Variants in MPPED1 observed in about 807,000 individuals in gnomAD.
MPPED1 encodes metallophosphoesterase domain containing 1.
Under a neutral mutation model 36.2 loss-of-function variants are expected in MPPED1, and 16 were observed. The ratio of observed to expected loss-of-function variants is 0.44; its 90% CI spans 0.30 to 0.67. The LOEUF is 0.67. MPPED1 is among the 30% of genes least tolerant of loss of function. The pLI is 0.10. For missense variants in MPPED1, 307 were observed against 453.4 expected (o/e 0.68, Z 2.93); for synonymous variants, 199 against 191.3 (o/e 1.04, Z -0.33).
At chr22:43,442,219 G>T (rs563755966) in intron 3 of MPPED1, among the ~76,000 whole-genome samples, 1 of 152,064 alleles carries the variant, frequency 6.6e-6, no homozygotes, top group East Asian at 1.9e-4. Flanking sequence ...CCATCCCAGA[G>T]TTCATGGCTG....
chr22:43,427,060 G>T lies in MPPED1; in HGVS notation c.224+1851G>T, dbSNP rs571979301. On this transcript the variant is annotated intron_variant, in intron 2 of 6. Coordinates refer to ENST00000443721, the MANE Select transcript of MPPED1 (RefSeq NM_001044370.2). ...GTGACTGAGCCTGAGGTCCCCGGAGGCCAGGCTGAACTCCTGCCCAGTGGG... is the reference window on the plus strand; with the variant it reads ...GTGACTGAGCCTGAGGTCCCCGGAGTCCAGGCTGAACTCCTGCCCAGTGGG... 1.4e-4 allele frequency among the ~76,000 whole-genome samples: 21 copies of T among 152,336 alleles called. No homozygotes were observed. The South Asian group carries it at 4.1e-3, about 30-fold the overall frequency.
intron 4 of MPPED1, among the ~76,000 whole-genome samples, chr22:43,482,615 C>A (rs895962987): frequency 6.6e-6 from 1 of 152,224 alleles, no homozygotes; most frequent in African/African-American, 2.4e-5. Flanking sequence ...AGTCCCCTTG[C>A]AGAACTGCCC....
At chr22:43,451,988 G>A (rs1258115371) in intron 3 of MPPED1, among the ~76,000 whole-genome samples, 1 of 151,822 alleles carries the variant, frequency 6.6e-6, no homozygotes, top group African/African-American at 2.4e-5. Context: ...TGTAGTTTCT[G>A]TGATCACCTC....
chr22:43,466,447 C>T (rs1931174518), intron 3 of MPPED1, among the ~76,000 whole-genome samples: 1 of 152,206 alleles, frequency 6.6e-6, no homozygotes, highest in Non-Finnish European at 1.5e-5. Context: ...GCTCACATTT[C>T]TGGGCTGTGC....
At chr22:43,426,913 G>A (rs1023571060) in intron 2 of MPPED1, among the ~76,000 whole-genome samples, 5 of 152,242 alleles carry the variant, frequency 3.3e-5, no homozygotes, top group Admixed American at 2.0e-4. Flanking sequence ...CGGGCCTCAG[G>A]CTTGCCGCTC....
chr22:43,469,224 G>T (rs1931278998), intron 3 of MPPED1, among the ~76,000 whole-genome samples: 1 of 152,170 alleles, frequency 6.6e-6, no homozygotes, highest in South Asian at 2.1e-4. Flanking sequence ...ACCTGCTGCA[G>T]GGAGGAATAG....
At chr22:43,455,949 G>T (rs952416497) in intron 3 of MPPED1, among the ~76,000 whole-genome samples, 2 of 152,246 alleles carry the variant, frequency 1.3e-5, no homozygotes, top group Non-Finnish European at 2.9e-5. Flanking sequence ...TTCAGGTGTC[G>T]GCAGGGCTGT....
At chr22:43,425,859 C>T (rs1929450109) in intron 2 of MPPED1, among the ~76,000 whole-genome samples, 1 of 152,248 alleles carries the variant, frequency 6.6e-6, no homozygotes, top group South Asian at 2.1e-4. Flanking sequence ...AGCAGTGAGG[C>T]CCTGGGGAGC....
chr22:43,463,812 TTTCTTTCTTTCTTTCTTTC>T (rs1931046334), intron 3 of MPPED1, among the ~76,000 whole-genome samples: 1 of 21,240 alleles, frequency 4.7e-5, no homozygotes, highest in Non-Finnish European at 9.5e-5. Flanking sequence ...TTTTCTTTTC[TTTCTTTCTTTCTTTCTTTC>T]TTTCTTTCTT....
intron 3 of MPPED1, among the ~76,000 whole-genome samples, chr22:43,458,355 G>T (rs983394514): frequency 2.0e-5 from 3 of 151,170 alleles, no homozygotes; most frequent in Non-Finnish European, 2.9e-5. Context: ...TTGTGATCTC[G>T]GCTCACTGCA....
intron 4 of MPPED1, among the ~76,000 whole-genome samples, chr22:43,492,674 C>T (rs1281251675): frequency 1.3e-5 from 2 of 152,214 alleles, no homozygotes; most frequent in African/African-American, 2.4e-5. Context: ...CAGGCCCCCA[C>T]CTGTGCAAGG....
At chr22:43,483,193 T>G (rs1255233909) in intron 4 of MPPED1, among the ~76,000 whole-genome samples, 1 of 152,174 alleles carries the variant, frequency 6.6e-6, no homozygotes, top group Non-Finnish European at 1.5e-5. Context: ...AAATATATAT[T>G]TTAGAGAAAA....
At chr22:43,484,584 C>T (rs1170788108) in intron 4 of MPPED1, among the ~76,000 whole-genome samples, 1 of 152,222 alleles carries the variant, frequency 6.6e-6, no homozygotes, top group Non-Finnish European at 1.5e-5. Flanking sequence ...TCTCCCTCTC[C>T]CCTCACAGGG....
In MPPED1 at chr22:43,500,123, GATGGAGGTGGTA is replaced by G. The variant is rs1387372746; in HGVS notation, c.748+1785_748+1796del. Among the ~76,000 whole-genome samples the G allele has an allele frequency of 3.8e-3, 438 of 116,226 alleles. 19 individuals carry two copies. Among genetic ancestry groups the G allele is most frequent in the South Asian group, 0.012 (36 of 2,984 alleles). The allele number at this position is 116,226 out of a possible 152,430, so 76.2% of individuals were successfully genotyped here. A position where few individuals can be genotyped will look rare whatever the true frequency, so the allele number is the denominator to read the frequency against. On this transcript the variant is annotated intron_variant, in intron 5 of 6. Transcript: ENST00000443721. ...TGGTAGTGGGGGTGATGAAGGTGGT[GATGGAGGTGGTA>G]ATGGAGGTGGTGGGGGTGGTGGTGG... is the stretch of plus-strand genomic sequence containing the variant.
chr22:43,505,812 G>T lies in MPPED1; in HGVS notation c.*196G>T, dbSNP rs1403925410. The T allele has an allele frequency of 8.9e-6, 5 of 562,352 alleles. No homozygotes were observed. Among genetic ancestry groups the T allele is most frequent in the Admixed American group, 3.2e-5 (1 of 31,056 alleles). The allele number at this position is 562,352 out of a possible 1,614,324, so 34.8% of individuals were successfully genotyped here. ...GGGACCCTGCGCATCCCCATCAGGG[G>T]TTCTGTGCTCATTTACTTTTTCTGC... On this transcript the variant is annotated 3_prime_UTR_variant, in exon 7 of 7. Coordinates refer to ENST00000443721, the MANE Select transcript of MPPED1 (RefSeq NM_001044370.2).
At position 43,417,143 on chromosome 22, in the gene MPPED1, A is replaced by T. The variant is rs189686177; in HGVS notation, c.-79+4985A>T. ...TTAAAATCATGTAGTCATAATTCAAAATGGGCCCAGCTAAAAGGTTTTTAA... is the reference window on the plus strand; with the variant it reads ...TTAAAATCATGTAGTCATAATTCAATATGGGCCCAGCTAAAAGGTTTTTAA... On this transcript the variant is annotated intron_variant, in intron 1 of 6. Transcript: ENST00000443721. 4.2e-5 allele frequency: 18 copies of T among 427,730 alleles called. No individual in the cohort carries two copies. In the South Asian group the frequency reaches 7.9e-4, roughly 19 times the overall value. 26.5% of individuals were successfully genotyped at this position (427,730 alleles called of 1,614,324 possible).
intron 3 of MPPED1, among the ~76,000 whole-genome samples, chr22:43,446,795 C>T (rs764568164): frequency 2.6e-5 from 4 of 152,212 alleles, no homozygotes; most frequent in Non-Finnish European, 5.9e-5. Flanking sequence ...GGTTTGCAAT[C>T]ATTCATTCAC....
intron 4 of MPPED1, among the ~76,000 whole-genome samples, chr22:43,477,491 C>T (rs2146889030): frequency 6.6e-6 from 1 of 152,334 alleles, no homozygotes; most frequent in Non-Finnish European, 1.5e-5. Flanking sequence ...AGGCTGGGTC[C>T]CTGCCACCAT....
chr22:43,429,518 C>A (rs894372749), intron 2 of MPPED1, among the ~76,000 whole-genome samples: 1 of 152,250 alleles, frequency 6.6e-6, no homozygotes, highest in African/African-American at 2.4e-5. Flanking sequence ...GCACTGACTC[C>A]TCCTTCAGAT....
Sources: allele counts gnomAD v4.1 joint callset (sites outside exome capture counted in the v4.1 genomes callset), GRCh38; gene constraint gnomAD v4.1.1; transcripts MANE v1.5; gene names NCBI Gene and HGNC (gene_info 2026-07-23, HGNC 2026-07-21).